The following XXYLT1 variants were observed in gnomAD, a reference collection of about 807,000 sequenced individuals.
XXYLT1 encodes UDP-xylose:alpha-xyloside alpha-1,3-xylosyltransferase.
A neutral mutation model predicts 28.9 loss-of-function variants in XXYLT1; 20 were observed. The ratio of observed to expected loss-of-function variants is 0.69; its 90% CI spans 0.49 to 1.00. The LOEUF is 1.00. XXYLT1 is among the 50% of genes least tolerant of loss of function. The probability of loss-of-function intolerance (pLI) is 0.00; values close to 1 mark genes in which losing one functional copy is unlikely to be tolerated. For synonymous variants in XXYLT1, 257 were observed against 253.8 expected, an observed-to-expected ratio of 1.01 and a Z score of -0.12; for missense variants, 542 against 560.1, an observed-to-expected ratio of 0.97 and a Z score of 0.33.
chr3:195,206,478 G>A (rs112240333), intron 2 of XXYLT1, among the ~76,000 whole-genome samples: 2 of 151,692 alleles, frequency 1.3e-5, no homozygotes, highest in African/African-American at 4.8e-5. Context: ...AATACAAATA[G>A]TACTTTCCAG....
At chr3:195,073,248 G>C (rs370909195) in intron 3 of XXYLT1, among the ~76,000 whole-genome samples, 12 of 152,212 alleles carry the variant, frequency 7.9e-5, no homozygotes, top group African/African-American at 2.4e-4. Flanking sequence ...CAGGGGACAG[G>C]GTGATCGGGT....
chr3:195,134,772 A>G (rs1719081549), intron 3 of XXYLT1, among the ~76,000 whole-genome samples: 1 of 152,138 alleles, frequency 6.6e-6, no homozygotes, highest in Non-Finnish European at 1.5e-5. Flanking sequence ...CCTGGCAGAG[A>G]GGAAACGCTT....
intron 3 of XXYLT1, among the ~76,000 whole-genome samples, chr3:195,116,453 C>A (rs568115400): frequency 1.2e-4 from 19 of 152,252 alleles, no homozygotes; most frequent in Admixed American, 2.6e-4. Flanking sequence ...AGTAGTGAGA[C>A]TTGAAGCTTC....
At position 195,120,286 on chromosome 3, in the gene XXYLT1, C is replaced by CCA. The variant is rs1460318568; in HGVS notation, c.785+36162_785+36163insTG. Among the ~76,000 whole-genome samples the CCA allele has an allele frequency of 2.2e-3, 285 of 129,730 alleles. 2 individuals carry two copies. Among genetic ancestry groups the CCA allele is most frequent in the Middle Eastern group, 4.6e-3 (1 of 218 alleles). 85.1% of individuals were successfully genotyped at this position (129,730 alleles called of 152,430 possible). A position where few individuals can be genotyped will look rare whatever the true frequency, so the allele number is the denominator to read the frequency against. On this transcript the variant is annotated intron_variant, in intron 3 of 3. Transcript: ENST00000310380. Reference sequence around the variant, plus strand: ...CCACTGCCCTCTGCTGCTCAGATGCCCCCCCCGCCCCAGCCCCCATGGCCA... The same window carrying CCA: ...CCACTGCCCTCTGCTGCTCAGATGCCCACCCCCCGCCCCAGCCCCCATGGCCA...
intron 1 of XXYLT1, among the ~76,000 whole-genome samples, chr3:195,231,276 T>A (rs1724288024): frequency 6.6e-6 from 1 of 152,032 alleles, no homozygotes; most frequent in Non-Finnish European, 1.5e-5. Flanking sequence ...ATTTTTTGTT[T>A]TGTTTTTTGG....
intron 2 of XXYLT1, among the ~76,000 whole-genome samples, chr3:195,169,816 C>T (rs1458689427): frequency 6.7e-6 from 1 of 150,010 alleles, no homozygotes; most frequent in African/African-American, 2.5e-5. Context: ...GTAGGAGTAT[C>T]AGTGTGTCAA....
In XXYLT1 at chr3:195,271,116, C is replaced by G. The variant is rs1201979801; in HGVS notation, c.-58G>C. The G allele has an allele frequency of 7.8e-6, 10 of 1,275,406 alleles. No individual in the cohort carries two copies. Among genetic ancestry groups the G allele is most frequent in the Admixed American group, 8.6e-5 (2 of 23,372 alleles). The allele number at this position is 1,275,406 out of a possible 1,614,324, so 79.0% of individuals were successfully genotyped here. On this transcript the variant is annotated 5_prime_UTR_variant, in exon 1 of 4. Coordinates refer to ENST00000310380, the MANE Select transcript of XXYLT1 (RefSeq NM_152531.5). ...CAACGCGGGAGAGCCCTCGGGTACC[C>G]GGACGCCGGCGGCCACTTAGCCCCG...
chr3:195,087,991 G>T (rs1054649405), intron 3 of XXYLT1, among the ~76,000 whole-genome samples: 7 of 152,028 alleles, frequency 4.6e-5, no homozygotes, highest in Non-Finnish European at 8.8e-5. Flanking sequence ...CTTAAAAAAC[G>T]GCGCACCACG....
intron 3 of XXYLT1, among the ~76,000 whole-genome samples, chr3:195,081,107 G>A (rs1715407933): frequency 6.6e-6 from 1 of 152,198 alleles, no homozygotes; most frequent in South Asian, 2.1e-4. Context: ...TGCTGAGGTG[G>A]GCAGCCCTTC....
intron 3 of XXYLT1, among the ~76,000 whole-genome samples, chr3:195,098,459 A>C (rs1162441503): frequency 6.6e-6 from 1 of 152,230 alleles, no homozygotes; most frequent in Non-Finnish European, 1.5e-5. Context: ...AGGCTGAGGC[A>C]GGAGAATGGC....
intron 1 of XXYLT1, chr3:195,247,779 C>T: frequency 2.8e-6 from 2 of 702,438 alleles, no homozygotes; most frequent in Non-Finnish European, 5.2e-6. Context: ...CACAGTTCTG[C>T]CTGGCTGGGG....
chr3:195,174,253 G>A (rs547886352), intron 2 of XXYLT1, among the ~76,000 whole-genome samples: 1 of 152,310 alleles, frequency 6.6e-6, no homozygotes, highest in African/African-American at 2.4e-5. Context: ...AGGCAGAGGA[G>A]TGGATCCTGG....
At chr3:195,206,537 G>A (rs113082995) in intron 2 of XXYLT1, among the ~76,000 whole-genome samples, 1,900 of 152,092 alleles carry the variant, frequency 0.012, 39 homozygotes, top group African/African-American at 0.043. Context: ...GGGAGGTCGC[G>A]GTGGGAGGAT....
In XXYLT1 at chr3:195,074,444, C is replaced by T. The variant is rs1715003812; in HGVS notation, c.786-4333G>A. ...CCTGGAACCCGGAAACGTGATTTCC[C>T]TCATACCCATGCATGTGTGCCTGGC... On this transcript the variant is annotated intron_variant, in intron 3 of 3. Transcript: ENST00000310380. Among the ~76,000 whole-genome samples the T allele has an allele frequency of 2.0e-5, 3 of 152,200 alleles. No individual in the cohort carries two copies. In the South Asian group the frequency reaches 6.2e-4, roughly 31 times the overall value.
At chr3:195,218,053 A>C (rs1377989921) in intron 2 of XXYLT1, among the ~76,000 whole-genome samples, 1 of 149,846 alleles carries the variant, frequency 6.7e-6, no homozygotes, top group African/African-American at 2.6e-5. Flanking sequence ...GACAAAAACA[A>C]GTAATGAGGA....
chr3:195,110,189 GGTGA>G (rs1717461528), intron 3 of XXYLT1, among the ~76,000 whole-genome samples: 1 of 63,168 alleles, frequency 1.6e-5, no homozygotes, highest in African/African-American at 4.6e-5. Context: ...TGTGTGTGTG[GGTGA>G]GGTGTATGTG....
In XXYLT1 at chr3:195,143,791, TATATATATAG is replaced by T. The variant is rs1719617238; in HGVS notation, c.785+12648_785+12657del. On this transcript the variant is annotated intron_variant, in intron 3 of 3. Coordinates refer to ENST00000310380, the MANE Select transcript of XXYLT1 (RefSeq NM_152531.5). The stretch of plus-strand genomic sequence containing the variant: ...TAACCAAATGTTCTCTCATTATATA[TATATATATAG>T]ATAGATATATATAGATATAGATATA... Among the ~76,000 whole-genome samples, 3 of 120,536 alleles carry T rather than the reference TATATATATAG, an allele frequency of 2.5e-5. 1 individual carries two copies. The South Asian group carries it at 8.9e-4, about 36-fold the overall frequency. The allele number at this position is 120,536 out of a possible 152,430, so 79.1% of individuals were successfully genotyped here.
intron 2 of XXYLT1, among the ~76,000 whole-genome samples, chr3:195,185,067 AAAGGAAGGAAAGAAGGAAGAAGGAAGG>A (rs1722116381): frequency 2.2e-5 from 3 of 136,608 alleles, no homozygotes; most frequent in Non-Finnish European, 4.5e-5. Flanking sequence ...ATTAAAGAAA[AAAGGAAGGAAAGAAGGAAGAAGGAAGG>A]AAGGAAGGAA....
At chr3:195,204,921 T>A (rs75217517) in intron 2 of XXYLT1, among the ~76,000 whole-genome samples, 1 of 152,348 alleles carries the variant, frequency 6.6e-6, no homozygotes, top group South Asian at 2.1e-4. Flanking sequence ...CAGTTTCACA[T>A]GCAAGATAAT....
Sources: allele counts gnomAD v4.1 joint callset (sites outside exome capture counted in the v4.1 genomes callset), GRCh38; gene constraint gnomAD v4.1.1; transcripts MANE v1.5; gene names NCBI Gene and HGNC (gene_info 2026-07-23, HGNC 2026-07-21).